Variants in TBC1D19 observed in about 807,000 individuals in gnomAD.
TBC1D19 encodes TBC1 domain family, member 19.
Under a neutral mutation model 89.0 loss-of-function variants are expected in TBC1D19, and 60 were observed. The observed-to-expected ratio is 0.67, with a 90% CI of 0.55 to 0.84. TBC1D19 has a LOEUF of 0.84. Ranked by LOEUF, TBC1D19 falls within the 40% of genes least tolerant of loss-of-function variation. TBC1D19 has a pLI of 0.00. For synonymous variants in TBC1D19, 189 were observed against 199.7 expected, an observed-to-expected ratio of 0.95 and a Z score of 0.45; for missense variants, 500 against 610.8, an observed-to-expected ratio of 0.82 and a Z score of 1.91.
intron 11 of TBC1D19, among the ~76,000 whole-genome samples, chr4:26,677,233 T>C (rs972307803): frequency 6.6e-6 from 1 of 152,144 alleles, no homozygotes; most frequent in Non-Finnish European, 1.5e-5. Context: ...ACCACTCTCA[T>C]TTCAAAATAC....
the TBC1D19 span, among the ~76,000 whole-genome samples, chr4:26,763,044 T>A: frequency 6.6e-6 from 1 of 152,236 alleles, no homozygotes; most frequent in Non-Finnish European, 1.5e-5. Context: ...CGCAGCTAAA[T>A]TAAGTTTACT....
At chr4:26,644,017 C>T (rs1743734995) in intron 7 of TBC1D19, among the ~76,000 whole-genome samples, 1 of 152,166 alleles carries the variant, frequency 6.6e-6, no homozygotes, top group South Asian at 2.1e-4. Flanking sequence ...TGGTACCATT[C>T]CTTCTGAAAC....
chr4:26,668,886 C>A (rs1712040493), intron 9 of TBC1D19, among the ~76,000 whole-genome samples: 1 of 151,680 alleles, frequency 6.6e-6, no homozygotes, highest in African/African-American at 2.4e-5. Context: ...AAAGTCCTTA[C>A]AATTATACTA....
Position 26,688,343 on chromosome 4 carries a change from A to G in TBC1D19, c.892-2A>G. 3 of 1,571,158 alleles carry G rather than the reference A, an allele frequency of 1.9e-6. No homozygotes were observed. Among genetic ancestry groups the G allele is most frequent in the Non-Finnish European group, 2.6e-6 (3 of 1,153,578 alleles). ...TTCAGTACTGTCTACTTTTAATTATAGGATGTGAAGTTGACAGCAAGCAAT... is the reference window on the plus strand; with the variant it reads ...TTCAGTACTGTCTACTTTTAATTATGGGATGTGAAGTTGACAGCAAGCAAT... On this transcript the variant is annotated splice_acceptor_variant, in intron 12 of 20. Coordinates refer to ENST00000264866, the MANE Select transcript of TBC1D19 (RefSeq NM_018317.4). LOFTEE classifies it high-confidence loss of function.
chr4:26,796,780 A>G, the TBC1D19 span, among the ~76,000 whole-genome samples: 1 of 152,228 alleles, frequency 6.6e-6, no homozygotes, highest in Non-Finnish European at 1.5e-5. Context: ...TGTTTCAAAT[A>G]GGATGAAAAT....
the TBC1D19 span, among the ~76,000 whole-genome samples, chr4:26,783,011 T>C: frequency 7.1e-3 from 1,086 of 152,370 alleles, 14 homozygotes; most frequent in African/African-American, 0.025. Context: ...TAGGTACTTA[T>C]AATCCTGTAC....
intron 11 of TBC1D19, among the ~76,000 whole-genome samples, chr4:26,675,238 C>T (rs183510485): frequency 2.6e-4 from 39 of 152,072 alleles, no homozygotes; most frequent in Non-Finnish European, 4.0e-4. Context: ...TCTATCTCTT[C>T]GCAGAAGAAT....
In TBC1D19 at chr4:26,739,750, G is replaced by A. The variant is rs1030168059; in HGVS notation, c.1118-114G>A. 5.2e-5 allele frequency: 28 copies of A among 535,970 alleles called. No homozygotes were observed. The East Asian group carries it at 9.6e-4, about 18-fold the overall frequency. 33.2% of individuals were successfully genotyped at this position (535,970 alleles called of 1,614,324 possible). On this transcript the variant is annotated intron_variant, in intron 16 of 20. Coordinates refer to ENST00000264866, the MANE Select transcript of TBC1D19 (RefSeq NM_018317.4). ...AAAAAAGTAGTATGATTTTAAACTT[G>A]TCTGGTGGTGTATATGATTACTATA...
At position 26,617,309 on chromosome 4, in the gene TBC1D19, T is replaced by C. The variant is rs552649857; in HGVS notation, c.218+2856T>C. On this transcript the variant is annotated intron_variant, in intron 3 of 20. Coordinates refer to ENST00000264866, the MANE Select transcript of TBC1D19 (RefSeq NM_018317.4). Reference sequence around the variant, plus strand: ...ATCCCACCTCTTAATACTGTTACAATTGCAAATTTTAACATGAGTTTTGGA... The same window carrying C: ...ATCCCACCTCTTAATACTGTTACAACTGCAAATTTTAACATGAGTTTTGGA... Among the ~76,000 whole-genome samples the C allele has an allele frequency of 1.4e-4, 22 of 152,346 alleles. No individual in the cohort carries two copies. In the South Asian group the frequency reaches 2.1e-3, roughly 14 times the overall value.
At chr4:26,661,617 C>A (rs1021251694) in intron 8 of TBC1D19, among the ~76,000 whole-genome samples, 4 of 152,096 alleles carry the variant, frequency 2.6e-5, no homozygotes, top group Non-Finnish European at 5.9e-5. Context: ...AATAACAAAA[C>A]CCAAATAGCC....
the TBC1D19 span, among the ~76,000 whole-genome samples, chr4:26,805,185 A>T: frequency 6.6e-6 from 1 of 152,234 alleles, no homozygotes; most frequent in Non-Finnish European, 1.5e-5. Context: ...AGATTAAAAA[A>T]GTCCATAAAG....
intron 15 of TBC1D19, among the ~76,000 whole-genome samples, chr4:26,728,821 G>A (rs917555447): frequency 1.3e-5 from 2 of 152,042 alleles, no homozygotes; most frequent in African/African-American, 4.8e-5. Context: ...AGACCATCCT[G>A]GCTAATATGG....
chr4:26,785,516 G>A, the TBC1D19 span, among the ~76,000 whole-genome samples: 1 of 152,208 alleles, frequency 6.6e-6, no homozygotes, highest in Non-Finnish European at 1.5e-5. Flanking sequence ...TGATGACATA[G>A]TTATTCCTCT....
At chr4:26,580,985 T>C (rs1431447494), upstream of TBC1D19, among the ~76,000 whole-genome samples, 1 of 152,230 alleles carries the variant, frequency 6.6e-6, no homozygotes, top group Non-Finnish European at 1.5e-5. Context: ...CCCAGAGCCC[T>C]ATACATGTTG....
chr4:26,620,617 C>T lies in TBC1D19; in HGVS notation c.223C>T (p.Pro75Ser), dbSNP rs762165581. 5 of 1,613,394 alleles carry T rather than the reference C, an allele frequency of 3.1e-6. No individual in the cohort carries two copies. Among genetic ancestry groups the T allele is most frequent in the Non-Finnish European group, 4.2e-6 (5 of 1,179,662 alleles). ...NAVYSELSVF[P>S]LPSHPAAPPE... ...GCTGCCTCTTTTTGCTCCTAGGTTT[C>T]CTTTACCTAGTCATCCTGCTGCACC... The change falls in exon 4 of 21, where the codon CCT (proline) becomes TCT (serine). Residue 75 changes from proline to serine, a missense_variant. Coordinates refer to ENST00000264866, the MANE Select transcript of TBC1D19 (RefSeq NM_018317.4).
intron 11 of TBC1D19, among the ~76,000 whole-genome samples, chr4:26,676,378 A>G (rs1351578157): frequency 6.6e-6 from 1 of 152,164 alleles, no homozygotes; most frequent in East Asian, 1.9e-4. Context: ...TGTAAACTTA[A>G]TTGCATCAGT....
chr4:26,750,014 T>C (rs1300568128), intron 19 of TBC1D19, among the ~76,000 whole-genome samples: 1 of 152,234 alleles, frequency 6.6e-6, no homozygotes, highest in Non-Finnish European at 1.5e-5. Context: ...TAACTTTTTC[T>C]AAACATTGTT....
At chr4:26,672,236 C>T (rs1352353998) in intron 10 of TBC1D19, 49 bp downstream of exon 10, 7 of 1,274,690 alleles carry the variant, frequency 5.5e-6, no homozygotes, top group Middle Eastern at 2.3e-4. Context: ...TGAGACAGTC[C>T]CAGCTAAATG....
At chr4:26,641,523 C>A (rs1406745102) in intron 7 of TBC1D19, among the ~76,000 whole-genome samples, 1 of 152,110 alleles carries the variant, frequency 6.6e-6, no homozygotes, top group Admixed American at 6.5e-5. Context: ...CCCTTCTCCT[C>A]CAAAGGATCG....
Sources: gnomAD v4.1 joint callset for allele counts (sites outside exome capture counted in the v4.1 genomes callset) on GRCh38, gnomAD v4.1.1 for gene constraint, MANE v1.5 for transcripts, NCBI Gene and HGNC (gene_info 2026-07-23, HGNC 2026-07-21) for gene names.